MSI2: variants seen among roughly 807,000 people sequenced by gnomAD.
MSI2 encodes RNA-binding protein Musashi homolog 2.
A neutral mutation model predicts 45.6 loss-of-function variants in MSI2; 17 were observed. That is an observed-to-expected ratio of 0.37 (90% CI 0.26 to 0.56). The LOEUF is 0.56. Among genes scored for constraint, MSI2 ranks in the 20% least tolerant of loss-of-function variants. MSI2 has a pLI of 0.77. For synonymous variants in MSI2, 156 were observed against 158.2 expected, an observed-to-expected ratio of 0.99 and a Z score of 0.11; for missense variants, 293 against 444.2, an observed-to-expected ratio of 0.66 and a Z score of 3.06.
At chr17:57,279,050 AG>A (rs1353387376) in intron 5 of MSI2, 1 of 152,102 alleles carries the variant, frequency 6.6e-6, no homozygotes, top group African/African-American at 2.4e-5. Context: ...AGGTGGGAAA[AG>A]CCTTAGCACT....
intron 5 of MSI2, among the ~76,000 whole-genome samples, chr17:57,301,448 C>CT (rs139868340): frequency 4.7e-4 from 72 of 152,312 alleles, no homozygotes; most frequent in Non-Finnish European, 9.1e-4. Flanking sequence ...AATAGGAATA[C>CT]TCACATAGTC....
At chr17:57,698,064 C>G in the MSI2 span, among the ~76,000 whole-genome samples, 1 of 152,276 alleles carries the variant, frequency 6.6e-6, no homozygotes, top group Non-Finnish European at 1.5e-5. Flanking sequence ...GCCACACTCT[C>G]CCACAGACAC....
chr17:57,544,088 T>G (rs2087111233), intron 7 of MSI2, among the ~76,000 whole-genome samples: 2 of 151,768 alleles, frequency 1.3e-5, no homozygotes, highest in South Asian at 4.2e-4. Flanking sequence ...TGTATGTGCG[T>G]GTGAGTGTTG....
intron 5 of MSI2, among the ~76,000 whole-genome samples, chr17:57,357,319 C>CAAGGCCACCCAGAGTCA (rs918232594): frequency 1.3e-5 from 2 of 152,150 alleles, no homozygotes; most frequent in African/African-American, 4.8e-5. Flanking sequence ...CCAGGACCCC[C>CAAGGCCACCCAGAGTCA]AAGGCCACCC....
intron 7 of MSI2, among the ~76,000 whole-genome samples, chr17:57,568,279 C>T (rs914154208): frequency 3.9e-5 from 6 of 152,100 alleles, no homozygotes; most frequent in African/African-American, 1.4e-4. Context: ...ACCATATTTC[C>T]ACTCCTTTGG....
the MSI2 span, among the ~76,000 whole-genome samples, chr17:57,692,899 CTT>C: frequency 1.9e-4 from 26 of 138,950 alleles, no homozygotes; most frequent in Non-Finnish European, 2.6e-4. Context: ...AATGCATGGG[CTT>C]TTTTTTTTTT....
At position 57,411,450 on chromosome 17, in the gene MSI2, C is replaced by T. The variant is rs192887526; in HGVS notation, c.405+9979C>T. ...TCAGATTTAGGGATTCCTGTTTGCC[C>T]GAACCGTTCATGTATCTTTTACCTT... On this transcript the variant is annotated intron_variant, in intron 6 of 13. Coordinates refer to ENST00000284073, the MANE Select transcript of MSI2 (RefSeq NM_138962.4). 2.0e-3 allele frequency among the ~76,000 whole-genome samples: 306 copies of T among 152,290 alleles called. 1 individual carries two copies. Among genetic ancestry groups the T allele is most frequent in the African/African-American group, 7.2e-3 (298 of 41,552 alleles).
chr17:57,344,227 A>G (rs1325951048), intron 5 of MSI2, among the ~76,000 whole-genome samples: 2 of 152,132 alleles, frequency 1.3e-5, no homozygotes, highest in Admixed American at 6.5e-5. Flanking sequence ...GGTAAGCAAG[A>G]TCCCCTCCTT....
intron 6 of MSI2, among the ~76,000 whole-genome samples, chr17:57,426,902 G>T (rs2084502824): frequency 6.6e-6 from 1 of 152,250 alleles, no homozygotes. Context: ...GTTTGAGGAA[G>T]AGATTAAATG....
rs1908912233 is a variant in MSI2, at chr17:57,627,428, G to A, written c.727+125G>A. ...ATCCACTTGAAAATGACCTATACAT[G>A]ATAAATTTCAAATCCACTGAAGTTC... On this transcript the variant is annotated intron_variant, in intron 10 of 13. Coordinates refer to ENST00000284073, the MANE Select transcript of MSI2 (RefSeq NM_138962.4). The surrounding 1 kb of genome is among the most constrained non-coding windows in gnomAD (Gnocchi z 4.6). 1.2e-5 allele frequency: 10 copies of A among 862,620 alleles called. No individual in the cohort carries two copies. Among genetic ancestry groups the A allele is most frequent in the Middle Eastern group, 6.2e-4 (2 of 3,232 alleles). The allele number at this position is 862,620 out of a possible 1,614,324, so 53.4% of individuals were successfully genotyped here.
At chr17:57,672,823 C>T (rs1169255676) in intron 11 of MSI2, among the ~76,000 whole-genome samples, 4 of 152,150 alleles carry the variant, frequency 2.6e-5, no homozygotes, top group Non-Finnish European at 5.9e-5. Context: ...AAGATAATAC[C>T]GCCTTTTGAA....
intron 7 of MSI2, among the ~76,000 whole-genome samples, chr17:57,579,296 G>A (rs527243870): frequency 5.9e-5 from 9 of 152,306 alleles, no homozygotes; most frequent in South Asian, 4.1e-4. Flanking sequence ...ATCTGTGCTC[G>A]GTGATTTTCA....
chr17:57,616,103 G>C lies in MSI2; in HGVS notation c.652+19G>C. 1 of 1,599,082 alleles carries C rather than the reference G, an allele frequency of 6.3e-7. No homozygotes were observed. Among genetic ancestry groups the C allele is most frequent in the Non-Finnish European group, 8.6e-7 (1 of 1,167,834 alleles). ...ATGCTGGGTGAGTCTGGACAGGACCGCAGGTCACCATGGACTGGGAGGGCT... is the reference window on the plus strand; with the variant it reads ...ATGCTGGGTGAGTCTGGACAGGACCCCAGGTCACCATGGACTGGGAGGGCT... On this transcript the variant is annotated intron_variant, in intron 9 of 13. Transcript: ENST00000284073.
At chr17:57,675,150 C>T (rs754887264) in intron 12 of MSI2, 24 bp downstream of exon 12, 3 of 1,596,958 alleles carry the variant, frequency 1.9e-6, no homozygotes, top group Non-Finnish European at 1.7e-6. Context: ...TTCCCCTGCC[C>T]TCCTGCCTCC....
intron 6 of MSI2, among the ~76,000 whole-genome samples, chr17:57,424,333 T>C (rs1249336109): frequency 1.3e-5 from 2 of 152,260 alleles, no homozygotes; most frequent in African/African-American, 4.8e-5. Context: ...CTAGTAGCTC[T>C]GTTCCCTTGA....
intron 10 of MSI2, chr17:57,633,262 C>A: frequency 1.2e-6 from 1 of 826,534 alleles, no homozygotes; most frequent in Non-Finnish European, 1.5e-6. Context: ...GAATAACCAG[C>A]ACCGATGACA....
intron 5 of MSI2, among the ~76,000 whole-genome samples, chr17:57,271,966 C>T (rs985323859): frequency 5.3e-5 from 8 of 151,884 alleles, no homozygotes; most frequent in Admixed American, 3.9e-4. Context: ...GCTTTTGGGC[C>T]GCCTAGGGGA....
intron 11 of MSI2, among the ~76,000 whole-genome samples, chr17:57,671,100 G>T (rs144949379): frequency 1.1e-4 from 16 of 152,220 alleles, no homozygotes; most frequent in Admixed American, 2.0e-4. Flanking sequence ...AAAGCCCAGA[G>T]GATATTGGAG....
In MSI2 at chr17:57,458,099, CT is replaced by C. The variant is rs545653222; in HGVS notation, c.405+56646del. 4.2e-3 allele frequency among the ~76,000 whole-genome samples: 557 copies of C among 134,002 alleles called. 1 individual carries two copies. The highest frequency in any genetic ancestry group is 9.9e-3 in the African/African-American group (349 of 35,304). The allele number at this position is 134,002 out of a possible 152,430, so 87.9% of individuals were successfully genotyped here. A position where few individuals can be genotyped will look rare whatever the true frequency, so the allele number is the denominator to read the frequency against. ...CTATATTAGCCTGACATATATATACCTTTTTTTTTTTTTTTTTTGGAGATGG... is the reference window on the plus strand; with the variant it reads ...CTATATTAGCCTGACATATATATACCTTTTTTTTTTTTTTTTTGGAGATGG... On this transcript the variant is annotated intron_variant, in intron 6 of 13. Coordinates refer to ENST00000284073, the MANE Select transcript of MSI2 (RefSeq NM_138962.4).
Sources: gnomAD v4.1 joint callset for allele counts (sites outside exome capture counted in the v4.1 genomes callset) on GRCh38, gnomAD v4.1.1 for gene constraint, Gnocchi (gnomAD v3.1) non-coding constraint, MANE v1.5 for transcripts, NCBI Gene and HGNC (gene_info 2026-07-23, HGNC 2026-07-21) for gene names.